Variants in OR5AN1 observed in about 807,000 individuals in gnomAD.
OR5AN1 encodes the protein olfactory receptor 5AN1.
For missense variants in OR5AN1, 476 were observed against 368.9 expected (o/e 1.29, Z -2.38); for synonymous variants, 167 against 131.8 (o/e 1.27, Z -1.83).
Position 59,371,132 on chromosome 11 carries a change from T to G in OR5AN1, c.*5738T>G, listed in dbSNP as rs1400903561. The G allele has an allele frequency of 1.3e-5, 2 of 151,050 alleles. No individual in the cohort carries two copies. The highest frequency in any genetic ancestry group is 4.9e-5 in the African/African-American group (2 of 41,212). 9.4% of individuals were successfully genotyped at this position (151,050 alleles called of 1,614,324 possible). ...TGAATATGCTATTTGGCAACTTGGTTTTTTTTTTTCCACTAAAGATAGCCT... is the reference window on the plus strand; with the variant it reads ...TGAATATGCTATTTGGCAACTTGGTGTTTTTTTTTCCACTAAAGATAGCCT... On this transcript the variant is annotated 3_prime_UTR_variant, in exon 2 of 2. Transcript: ENST00000641998.
chr11:59,364,194 T>C (rs1035092520), intron 1 of OR5AN1, among the ~76,000 whole-genome samples: 3 of 152,236 alleles, frequency 2.0e-5, no homozygotes, highest in Non-Finnish European at 4.4e-5. Context: ...GCATATTTTT[T>C]AAAAATTACC....
rs566983242 is a variant in OR5AN1, at chr11:59,365,793, A to G, written c.*399A>G. The G allele has an allele frequency of 5.4e-4, 90 of 167,950 alleles. No individual in the cohort carries two copies. The highest frequency in any genetic ancestry group is 1.8e-3 in the Admixed American group (30 of 16,830). The allele number at this position is 167,950 out of a possible 1,614,324, so 10.4% of individuals were successfully genotyped here. A position where few individuals can be genotyped will look rare whatever the true frequency, so the allele number is the denominator to read the frequency against. ...CACAGACCCCCAGGAGTTCAGAAACATCATCTCCCATATATGCTGATACAG... is the reference window on the plus strand; with the variant it reads ...CACAGACCCCCAGGAGTTCAGAAACGTCATCTCCCATATATGCTGATACAG... On this transcript the variant is annotated 3_prime_UTR_variant, in exon 2 of 2. Coordinates refer to ENST00000641998, the MANE Select transcript of OR5AN1 (RefSeq NM_001004729.2).
In OR5AN1 at chr11:59,365,644, A is replaced by G. The variant is rs977911535; in HGVS notation, c.*250A>G. 2.2e-5 allele frequency: 8 copies of G among 356,372 alleles called. No individual in the cohort carries two copies. Among genetic ancestry groups the G allele is most frequent in the Non-Finnish European group, 4.0e-5 (8 of 198,662 alleles). The allele number at this position is 356,372 out of a possible 1,614,324, so 22.1% of individuals were successfully genotyped here. A position where few individuals can be genotyped will look rare whatever the true frequency, so the allele number is the denominator to read the frequency against. Reference sequence around the variant, plus strand: ...TCAGGATAAATAATGTGGCCTCATCATTTATGAATTTGTCCAAAATTATTT... The same window carrying G: ...TCAGGATAAATAATGTGGCCTCATCGTTTATGAATTTGTCCAAAATTATTT... On this transcript the variant is annotated 3_prime_UTR_variant, in exon 2 of 2. Coordinates refer to ENST00000641998, the MANE Select transcript of OR5AN1 (RefSeq NM_001004729.2).
rs1857529568 is a variant in OR5AN1 at position 59,366,099 on chromosome 11, G to C, written c.*705G>C. On this transcript the variant is annotated 3_prime_UTR_variant, in exon 2 of 2. Transcript: ENST00000641998. ...GAAGTGGGATAGAAACAAGGATATG[G>C]TTCCTGCAATCATATTTACTTATGA... is the stretch of plus-strand genomic sequence containing the variant. 1 of 152,128 alleles carries C rather than the reference G, an allele frequency of 6.6e-6. No homozygotes were observed. The highest frequency in any genetic ancestry group is 2.4e-5 in the African/African-American group (1 of 41,416). The allele number at this position is 152,128 out of a possible 1,614,324, so 9.4% of individuals were successfully genotyped here.
chr11:59,359,832 A>G (rs1227614016), intron 1 of OR5AN1: 1 of 152,168 alleles, frequency 6.6e-6, no homozygotes, highest in Non-Finnish European at 1.5e-5. Flanking sequence ...ATTGTTCTTT[A>G]TTGAGCAACG....
chr11:59,370,933 A>C lies in OR5AN1; in HGVS notation c.*5539A>C, dbSNP rs1401597370. 1 of 152,228 alleles carries C rather than the reference A, an allele frequency of 6.6e-6. No individual in the cohort carries two copies. Among genetic ancestry groups the C allele is most frequent in the South Asian group, 2.1e-4 (1 of 4,836 alleles). 9.4% of individuals were successfully genotyped at this position (152,228 alleles called of 1,614,324 possible). A position where few individuals can be genotyped will look rare whatever the true frequency, so the allele number is the denominator to read the frequency against. On this transcript the variant is annotated 3_prime_UTR_variant, in exon 2 of 2. Coordinates refer to ENST00000641998, the MANE Select transcript of OR5AN1 (RefSeq NM_001004729.2). ...TCAAAGCTTTACATCATTTGGATTCACAAGAAGGACCATGAGATAACCTCT... is the reference window on the plus strand; with the variant it reads ...TCAAAGCTTTACATCATTTGGATTCCCAAGAAGGACCATGAGATAACCTCT...
chr11:59,362,823 A>G (rs1168386088), intron 1 of OR5AN1, among the ~76,000 whole-genome samples: 27 of 152,226 alleles, frequency 1.8e-4, no homozygotes, highest in Admixed American at 1.8e-3. Flanking sequence ...CAAAAAATAA[A>G]AAGATATACC....
At chr11:59,360,166 G>T (rs1001712777) in intron 1 of OR5AN1, 2 of 152,138 alleles carry the variant, frequency 1.3e-5, no homozygotes, top group African/African-American at 4.8e-5. Context: ...ACTGGAAATG[G>T]TAGATTACAT....
Position 59,365,578 on chromosome 11 carries a change from A to G in OR5AN1, c.*184A>G. 2 of 504,338 alleles carry G rather than the reference A, an allele frequency of 4.0e-6. No homozygotes were observed. The highest frequency in any genetic ancestry group is 3.8e-5 in the South Asian group (1 of 26,424). 31.2% of individuals were successfully genotyped at this position (504,338 alleles called of 1,614,324 possible). A position where few individuals can be genotyped will look rare whatever the true frequency, so the allele number is the denominator to read the frequency against. On this transcript the variant is annotated 3_prime_UTR_variant, in exon 2 of 2. Transcript: ENST00000641998. Reference sequence around the variant, plus strand: ...CAGATGACTCAATGCCACAGACATCAGGATCTTTAGGTCCTGGAGGTTCAT... The same window carrying G: ...CAGATGACTCAATGCCACAGACATCGGGATCTTTAGGTCCTGGAGGTTCAT...
intron 1 of OR5AN1, chr11:59,359,940 A>T (rs1857445843): frequency 6.6e-6 from 1 of 152,178 alleles, no homozygotes; most frequent in African/African-American, 2.4e-5. Flanking sequence ...ACCTATATTC[A>T]TCTAGTAAAA....
intron 1 of OR5AN1, among the ~76,000 whole-genome samples, chr11:59,361,118 G>C (rs1230351608): frequency 9.8e-6 from 1 of 102,562 alleles, no homozygotes; most frequent in African/African-American, 2.7e-5. Flanking sequence ...CTACAAGATA[G>C]AAAGAAGTAC....
chr11:59,361,821 C>T (rs1321536745), intron 1 of OR5AN1, among the ~76,000 whole-genome samples: 1 of 152,066 alleles, frequency 6.6e-6, no homozygotes, highest in African/African-American at 2.4e-5. Context: ...CCTTTCTCCA[C>T]CCTATTAATG....
At chr11:59,361,040 T>C (rs1393243488) in intron 1 of OR5AN1, among the ~76,000 whole-genome samples, 1 of 152,206 alleles carries the variant, frequency 6.6e-6, no homozygotes, top group Non-Finnish European at 1.5e-5. Flanking sequence ...TTGAGGGTAC[T>C]TGGTGGTACT....
intron 1 of OR5AN1, among the ~76,000 whole-genome samples, chr11:59,362,244 A>G (rs1857472908): frequency 6.6e-6 from 1 of 152,202 alleles, no homozygotes; most frequent in African/African-American, 2.4e-5. Context: ...CTGTCTTTCA[A>G]ATATGCTTTA....
chr11:59,366,404 C>T lies in OR5AN1; in HGVS notation c.*1010C>T, dbSNP rs1432619367. On this transcript the variant is annotated 3_prime_UTR_variant, in exon 2 of 2. Transcript: ENST00000641998. ...AAGTCATGCATTTAAGCCTACTCTA[C>T]ATCAGCCAGTCCCAGCTGATCTCCA... 6.6e-6 allele frequency: 1 copy of T among 152,242 alleles called. No homozygotes were observed. Among genetic ancestry groups the T allele is most frequent in the Non-Finnish European group, 1.5e-5 (1 of 68,046 alleles). 9.4% of individuals were successfully genotyped at this position (152,242 alleles called of 1,614,324 possible).
In OR5AN1 at chr11:59,364,633, C is replaced by A; in HGVS notation, c.175C>A (p.Pro59Thr). ...AAGGATGGATTCCCACCTCCATACA[C>A]CCATGTATTTCTTCCTCAGTAACCT... ...LIRMDSHLHT[P>T]MYFFLSNLSF... Residue 59 changes from proline (P) to threonine (T), a missense_variant, in exon 2 of 2, where the codon CCC becomes ACC. Transcript: ENST00000641998. The A allele has an allele frequency of 1.2e-6, 2 of 1,614,044 alleles. No individual in the cohort carries two copies. The highest frequency in any genetic ancestry group is 1.1e-5 in the South Asian group (1 of 91,062).
chr11:59,363,282 C>G (rs906726038), intron 1 of OR5AN1, among the ~76,000 whole-genome samples: 7 of 152,272 alleles, frequency 4.6e-5, no homozygotes, highest in South Asian at 2.1e-4. Context: ...CTTTTATTGT[C>G]CTTACATTAT....
rs895782022 is a variant in OR5AN1 at position 59,365,844 on chromosome 11, T to C, written c.*450T>C. On this transcript the variant is annotated 3_prime_UTR_variant, in exon 2 of 2. Transcript: ENST00000641998. ...CATAATAAAGACATGGTGGTAACCA[T>C]TGTTTATTCTGTGTTTCTGGATGGG... 6.5e-6 allele frequency: 1 copy of C among 154,044 alleles called. No individual in the cohort carries two copies. The highest frequency in any genetic ancestry group is 1.4e-5 in the Non-Finnish European group (1 of 69,428). The allele number at this position is 154,044 out of a possible 1,614,324, so 9.5% of individuals were successfully genotyped here. A position where few individuals can be genotyped will look rare whatever the true frequency, so the allele number is the denominator to read the frequency against.
At position 59,366,735 on chromosome 11, in the gene OR5AN1, C is replaced by T. The variant is rs1857538563; in HGVS notation, c.*1341C>T. ...TATTCAAAACTCAGAATAGGGACCC[C>T]AGCATATAATAAACGCTATACGTGA... On this transcript the variant is annotated 3_prime_UTR_variant, in exon 2 of 2. Transcript: ENST00000641998. 1 of 152,166 alleles carries T rather than the reference C, an allele frequency of 6.6e-6. No homozygotes were observed. Among genetic ancestry groups the T allele is most frequent in the Non-Finnish European group, 1.5e-5 (1 of 68,030 alleles). 9.4% of individuals were successfully genotyped at this position (152,166 alleles called of 1,614,324 possible).
Sources: gnomAD v4.1 joint callset for allele counts (sites outside exome capture counted in the v4.1 genomes callset) on GRCh38, gnomAD v4.1.1 for gene constraint, MANE v1.5 for transcripts, NCBI Gene and HGNC (gene_info 2026-07-23, HGNC 2026-07-21) for gene names.